CFAP92: variants seen among roughly 807,000 people sequenced by gnomAD.
The protein encoded by CFAP92 is cilia and flagella associated protein 92 (putative).
CFAP92 carries 86 observed loss-of-function variants against 106.3 expected under a neutral mutation model. The ratio of observed to expected loss-of-function variants is 0.81; its 90% CI spans 0.68 to 0.97. The LOEUF is 0.97. Among genes scored for constraint, CFAP92 ranks in the 50% least tolerant of loss-of-function variants. The pLI is 0.00. For missense variants in CFAP92, 1,204 were observed against 1,283.8 expected (o/e 0.94, Z 0.95); for synonymous variants, 477 against 506.4 (o/e 0.94, Z 0.78).
the CFAP92 span, among the ~76,000 whole-genome samples, chr3:129,018,467 T>G: frequency 6.6e-6 from 1 of 152,252 alleles, no homozygotes; most frequent in African/African-American, 2.4e-5. Context: ...AACACAGCCA[T>G]GTCCACTTGT....
At chr3:128,920,295 C>G (rs1190132817) in intron 12 of CFAP92, among the ~76,000 whole-genome samples, 1 of 152,066 alleles carries the variant, frequency 6.6e-6, no homozygotes, top group Non-Finnish European at 1.5e-5. Flanking sequence ...CTCAGCTATT[C>G]AGAAGGCTGA....
intron 4 of CFAP92, among the ~76,000 whole-genome samples, chr3:128,979,025 T>C (rs1339202526): frequency 6.6e-6 from 1 of 152,080 alleles, no homozygotes; most frequent in Non-Finnish European, 1.5e-5. Flanking sequence ...GGCAACAGAA[T>C]GGGAGAAAAT....
chr3:128,962,345 G>C (rs906777381), intron 9 of CFAP92, among the ~76,000 whole-genome samples: 3 of 152,182 alleles, frequency 2.0e-5, no homozygotes, highest in Non-Finnish European at 1.5e-5. Flanking sequence ...ACTGTTGTGG[G>C]TATTGACAGA....
At chr3:128,947,703 G>A (rs941303131) in intron 9 of CFAP92, among the ~76,000 whole-genome samples, 1 of 152,168 alleles carries the variant, frequency 6.6e-6, no homozygotes, top group Non-Finnish European at 1.5e-5. Context: ...GGGTGTGGTG[G>A]CTCACACCTT....
rs2107844392 is a variant in CFAP92 at position 129,001,837 on chromosome 3, G to C, written n.117+737C>G. ...GTCTTCCACCACCTGGACTGCCGCG[G>C]CGCCGGCCGTCTGCCCCGCGCCGAC... On this transcript the variant is annotated intron_variant and non_coding_transcript_variant, in intron 1 of 4. Transcript: ENST00000510149. 1.9e-6 allele frequency: 3 copies of C among 1,545,728 alleles called. No homozygotes were observed. The South Asian group carries it at 3.6e-5, about 18-fold the overall frequency.
chr3:128,977,733 C>T (rs555668881), intron 5 of CFAP92, among the ~76,000 whole-genome samples: 1 of 152,208 alleles, frequency 6.6e-6, no homozygotes, highest in African/African-American at 2.4e-5. Context: ...GTAGTGGGCG[C>T]CTGTAATCCC....
chr3:129,025,086 T>C, the CFAP92 span, among the ~76,000 whole-genome samples: 1 of 151,978 alleles, frequency 6.6e-6, no homozygotes, highest in African/African-American at 2.4e-5. Context: ...GACATCCAAA[T>C]AGAGGTGCCA....
chr3:128,994,946 C>G (rs1323751110), upstream of CFAP92, among the ~76,000 whole-genome samples: 2 of 152,188 alleles, frequency 1.3e-5, no homozygotes, highest in East Asian at 3.9e-4. Context: ...TGGCAAGTTT[C>G]AGGAATGGGT....
At chr3:128,967,702 CAA>C (rs545688313) in intron 8 of CFAP92, 9 of 112,594 alleles carry the variant, frequency 8.0e-5, no homozygotes, top group Admixed American at 1.9e-4. Flanking sequence ...AACTCCGTCT[CAA>C]AAAAAAAAAA....
intron 10 of CFAP92, among the ~76,000 whole-genome samples, chr3:128,941,209 G>T (rs11917573): frequency 0.58 from 88,273 of 152,002 alleles, 28,508 homozygotes; most frequent in African/African-American, 0.87. Context: ...AGTTTTTGTA[G>T]GTAGATGGTA....
upstream of CFAP92, among the ~76,000 whole-genome samples, chr3:128,996,682 C>A (rs1421328508): frequency 6.6e-6 from 1 of 152,248 alleles, no homozygotes; most frequent in Non-Finnish European, 1.5e-5. Flanking sequence ...TGTTATTTCT[C>A]ACCACTCCAT....
chr3:128,965,512 T>G lies in CFAP92; in HGVS notation c.1352A>C (p.Glu451Ala). ...TCCATGGGTCCGGCTCATTCTTACC[T>G]CTAGTTCCTGAATGGGTACAGGCTG... ...PSQPVPIQELERLCMPVYCKY... is the reference protein window; with the variant it reads ...PSQPVPIQELARLCMPVYCKY... The change falls in exon 9 of 16, where the codon GAG (glutamate) becomes GCG (alanine). Residue 451 changes from glutamate (E) to alanine (A), a missense_variant and splice_region_variant. Physicochemically the swap from Glu to Ala is moderately radical, Grantham distance 107. Coordinates refer to ENST00000645291, the MANE Select transcript of CFAP92 (RefSeq NM_001394090.1). 2.5e-6 allele frequency: 1 copy of G among 398,918 alleles called. No homozygotes were observed. Among genetic ancestry groups the G allele is most frequent in the Non-Finnish European group, 4.4e-6 (1 of 226,040 alleles). 24.7% of individuals were successfully genotyped at this position (398,918 alleles called of 1,614,324 possible). A position where few individuals can be genotyped will look rare whatever the true frequency, so the allele number is the denominator to read the frequency against.
At chr3:128,910,383 ACCCCCAG>A (rs991178766) in intron 15 of CFAP92, 50 bp from the exon 16 acceptor site, 100 of 1,447,098 alleles carry the variant, frequency 6.9e-5, no homozygotes, top group Non-Finnish European at 8.5e-5. Context: ...CAGTGCCCCT[ACCCCCAG>A]CAAGGGACAG....
intron 9 of CFAP92, among the ~76,000 whole-genome samples, chr3:128,951,958 A>C (rs1423756009): frequency 1.3e-5 from 2 of 152,166 alleles, no homozygotes; most frequent in Non-Finnish European, 2.9e-5. Flanking sequence ...AAGAGCAGTA[A>C]CAAGATATCC....
chr3:128,987,641 G>A lies in CFAP92; in HGVS notation c.642C>T (p.Asp214=), dbSNP rs770104364. ...YYRLKTAGFT[D]DVGAFHKSEV... ...CTGACTTATGAAAAGCTCCCACGTC[G>A]TCTGTGAAGCCGGCAGTCTTTAATC... The change falls in exon 4 of 16, where the codon GAC becomes GAT. Residue 214 remains aspartate (D), a synonymous_variant. Coordinates refer to ENST00000645291, the MANE Select transcript of CFAP92 (RefSeq NM_001394090.1). The A allele has an allele frequency of 2.8e-5, 45 of 1,613,966 alleles. No individual in the cohort carries two copies. Among genetic ancestry groups the A allele is most frequent in the South Asian group, 7.7e-5 (7 of 91,082 alleles).
intron 9 of CFAP92, among the ~76,000 whole-genome samples, chr3:128,951,785 A>T (rs963997384): frequency 3.3e-5 from 5 of 152,126 alleles, no homozygotes; most frequent in Non-Finnish European, 7.4e-5. Context: ...CCCACCCCAG[A>T]AACAAAGGCT....
At chr3:128,987,287 G>T (rs1943917666) in intron 4 of CFAP92, among the ~76,000 whole-genome samples, 1 of 151,928 alleles carries the variant, frequency 6.6e-6, no homozygotes, top group Non-Finnish European at 1.5e-5. Flanking sequence ...TTTGTTCCTT[G>T]GTATCCTCTA....
chr3:128,915,179 A>G lies in CFAP92; in HGVS notation c.3220T>C (p.Tyr1074His). 6.5e-7 allele frequency: 1 copy of G among 1,536,154 alleles called. No homozygotes were observed. The highest frequency in any genetic ancestry group is 8.7e-7 in the Non-Finnish European group (1 of 1,146,928). ...TCGAGGAAAGGTGGTGGTTTCTTGT[A>G]CAGATCAAAGTCCACGTGGTGCCTG... The part of the protein sequence containing the change: ...WDRHHVDFDL[Y>H]KKPPPFLELL... The change falls in exon 15 of 16, where the codon TAC becomes CAC. Residue 1074 changes from tyrosine (Y) to histidine (H), a missense_variant. Coordinates refer to ENST00000645291, the MANE Select transcript of CFAP92 (RefSeq NM_001394090.1).
intron 10 of CFAP92, among the ~76,000 whole-genome samples, chr3:128,940,533 A>G: frequency 6.6e-6 from 1 of 152,228 alleles, no homozygotes; most frequent in Admixed American, 6.5e-5. Flanking sequence ...AGTATGAAAT[A>G]GCATCCCATT....
Sources: allele counts gnomAD v4.1 joint callset (sites outside exome capture counted in the v4.1 genomes callset), GRCh38; gene constraint gnomAD v4.1.1; transcripts MANE v1.5; gene names NCBI Gene and HGNC (gene_info 2026-07-23, HGNC 2026-07-21).